The following SLC4A2 variants were observed in gnomAD, a reference collection of about 807,000 sequenced individuals.
SLC4A2 encodes solute carrier family 4 member 2.
SLC4A2 carries 36 observed loss-of-function variants against 115.0 expected under a neutral mutation model. That is an observed-to-expected ratio of 0.31 (90% CI 0.24 to 0.41). SLC4A2 has a LOEUF of 0.41. Ranked by LOEUF, SLC4A2 falls within the 10% of genes least tolerant of loss-of-function variation. The pLI is 1.00. For synonymous variants in SLC4A2, 708 were observed against 708.3 expected (o/e 1.00, Z 0.01); for missense variants, 1,252 against 1,705.6 (o/e 0.73, Z 4.68).
At position 151,064,258 on chromosome 7, in the gene SLC4A2, C is replaced by G; in HGVS notation, c.108C>G (p.Asp36Glu). 4.3e-6 allele frequency: 7 copies of G among 1,612,520 alleles called. No individual in the cohort carries two copies. Among genetic ancestry groups the G allele is most frequent in the Non-Finnish European group, 5.9e-6 (7 of 1,179,942 alleles). The part of the protein sequence containing the change: ...GTPGFPEQEE[D>E]ELHRTLGVER... ...CTGGGTTCCCCGAGCAGGAGGAAGACGAACTTCACCGCACCCTGGGCGTGG... is the reference window on the plus strand; with the variant it reads ...CTGGGTTCCCCGAGCAGGAGGAAGAGGAACTTCACCGCACCCTGGGCGTGG... Residue 36 changes from aspartate (D) to glutamate (E), a missense_variant, in exon 3 of 23, where the codon GAC becomes GAG. By Grantham distance (45) the Asp-to-Glu change is conservative. This residue lies in a region of SLC4A2 where 74 missense variants were observed against 85.3 expected (regional missense o/e 0.87). Transcript: ENST00000413384.
chr7:151,071,471 T>G lies in SLC4A2; in HGVS notation c.2057T>G (p.Ile686Ser), dbSNP rs1584995252. The G allele has an allele frequency of 6.2e-7, 1 of 1,611,590 alleles. No homozygotes were observed. The highest frequency in any genetic ancestry group is 1.3e-5 in the African/African-American group (1 of 75,020). ...ACGGGGCGGCCCTTTGGGGGGCTGA[T>G]CCGAGATGTGCGGCGCCGCTATCCC... ...RRTGRPFGGL[I>S]RDVRRRYPHY... The change falls in exon 14 of 23, where the codon ATC becomes AGC. Residue 686 changes from isoleucine (I) to serine (S), a missense_variant. This residue lies in a region of SLC4A2 where 122 missense variants were observed against 116.8 expected (regional missense o/e 1.04). Transcript: ENST00000413384. The surrounding 1 kb of genome is among the most constrained non-coding windows in gnomAD (Gnocchi z 5.5).
intron 2 of SLC4A2, chr7:151,062,474 C>A: frequency 7.5e-7 from 1 of 1,324,942 alleles, no homozygotes; most frequent in Non-Finnish European, 9.7e-7. Context: ...CCCACGTGGC[C>A]ACCGCTCCAC....
intron 16 of SLC4A2, among the ~76,000 whole-genome samples, chr7:151,072,823 T>A (rs1797486512): frequency 6.6e-6 from 1 of 151,968 alleles, no homozygotes; most frequent in African/African-American, 2.4e-5. Flanking sequence ...CATGCCCGGC[T>A]AAATTTTTTG....
intron 8 of SLC4A2, among the ~76,000 whole-genome samples, chr7:151,069,157 A>AAAAAAAAAAAAAAAAAAAAAC: frequency 6.7e-6 from 1 of 149,090 alleles, no homozygotes; most frequent in South Asian, 2.1e-4. Context: ...AAAAAAAAAA[A>AAAAAAAAAAAAAAAAAAAAAC]AAGCAGCTGA....
chr7:151,065,075 A>T, intron 5 of SLC4A2, 109 bp downstream of exon 5: 1 of 823,846 alleles, frequency 1.2e-6, no homozygotes, highest in Admixed American at 2.0e-5. Flanking sequence ...CCAGGGTTCA[A>T]ATCCCAGGCC....
In SLC4A2 at chr7:151,064,732, C is replaced by G. The variant is rs1436645446; in HGVS notation, c.424C>G (p.Gln142Glu). 1 of 1,611,340 alleles carries G rather than the reference C, an allele frequency of 6.2e-7. No homozygotes were observed. The highest frequency in any genetic ancestry group is 1.7e-5 in the Admixed American group (1 of 59,890). ...GGCTGAGGGGGCCCGGGCTCTCACT[C>G]AGCCGTCCCCTGTCTCCACACCCTC... Reference protein sequence around the residue: ...SEAEGARALTQPSPVSTPSSV... With the variant: ...SEAEGARALTEPSPVSTPSSV... Residue 142 changes from glutamine (Q) to glutamate (E), a missense_variant, in exon 4 of 23, where the codon CAG (glutamine) becomes GAG (glutamate). Around this residue, in one of 14 missense-constraint regions of SLC4A2, gnomAD observed 215 missense variants for 205.2 expected, o/e 1.05. Transcript: ENST00000413384.
chr7:151,075,383 T>C lies in SLC4A2; in HGVS notation c.3176T>C (p.Val1059Ala). 6.2e-7 allele frequency: 1 copy of C among 1,611,496 alleles called. No homozygotes were observed. Among genetic ancestry groups the C allele is most frequent in the Non-Finnish European group, 8.5e-7 (1 of 1,180,016 alleles). Reference sequence around the variant, plus strand: ...CTGCCCTGGTTGGCTGCTGCCACTGTCCGCTCTGTCACTCACGCCAACGCG... The same window carrying C: ...CTGCCCTGGTTGGCTGCTGCCACTGCCCGCTCTGTCACTCACGCCAACGCG... ...FGLPWLAAAT[V>A]RSVTHANALT... The change falls in exon 20 of 23, where the codon GTC becomes GCC. Residue 1059 changes from valine (V) to alanine (A), a missense_variant. Around this residue, in one of 14 missense-constraint regions of SLC4A2, gnomAD observed 253 missense variants for 407.4 expected, o/e 0.62. Coordinates refer to ENST00000413384, the MANE Select transcript of SLC4A2 (RefSeq NM_003040.4).
At chr7:151,062,236 C>T (rs942363291) in intron 2 of SLC4A2, among the ~76,000 whole-genome samples, 198 bp downstream of exon 2, 4 of 152,136 alleles carry the variant, frequency 2.6e-5, no homozygotes, top group African/African-American at 4.8e-5. Flanking sequence ...GTCTTCCAGT[C>T]CTGGGGAGGG....
At chr7:151,064,388 G>C (rs776944795) in intron 3 of SLC4A2, 21 bp downstream of exon 3, 4 of 1,533,578 alleles carry the variant, frequency 2.6e-6, no homozygotes, top group East Asian at 2.4e-5. Flanking sequence ...AGGCAGGGGA[G>C]GGGGAGGTGG....
intron 2 of SLC4A2, chr7:151,062,915 A>C (rs1326473726): frequency 3.6e-6 from 5 of 1,392,990 alleles, no homozygotes; most frequent in African/African-American, 3.0e-5. Flanking sequence ...CCTTCACCCC[A>C]GCCCTCCCCG....
Position 151,076,429 on chromosome 7 carries a change from C to CCCCCTCCCATG in SLC4A2, c.*71_*81dup, listed in dbSNP as rs1178657768. ...GGGGACAGGCTGGTGGGATGGGGTT[C>CCCCCTCCCATG]CCCCTCCCATGCCCCTCCCTCCTTT... On this transcript the variant is annotated 3_prime_UTR_variant, in exon 23 of 23. Coordinates refer to ENST00000413384, the MANE Select transcript of SLC4A2 (RefSeq NM_003040.4). 3.9e-6 allele frequency: 5 copies of CCCCCTCCCATG among 1,283,756 alleles called. No homozygotes were observed. The highest frequency in any genetic ancestry group is 5.2e-6 in the Non-Finnish European group (5 of 958,440). The allele number at this position is 1,283,756 out of a possible 1,614,324, so 79.5% of individuals were successfully genotyped here.
At chr7:151,064,791 G>A (rs1475026185) in intron 4 of SLC4A2, 24 bp downstream of exon 4, 1 of 1,608,544 alleles carries the variant, frequency 6.2e-7, no homozygotes, top group South Asian at 1.1e-5. Flanking sequence ...GGGCTCCTAG[G>A]GCATGTCGGC....
chr7:151,069,458 C>T (rs911113326), intron 8 of SLC4A2, among the ~76,000 whole-genome samples: 3 of 152,070 alleles, frequency 2.0e-5, no homozygotes, highest in South Asian at 2.1e-4. Flanking sequence ...AAGCTTGGGG[C>T]GGAGGGGGGT....
At position 151,071,091 on chromosome 7, in the gene SLC4A2, A is replaced by T; in HGVS notation, c.1769A>T (p.Tyr590Phe). 6.2e-7 allele frequency: 1 copy of T among 1,612,546 alleles called. No homozygotes were observed. Residue 590 changes from tyrosine to phenylalanine, a missense_variant, in exon 13 of 23, where the codon TAC (tyrosine) becomes TTC (phenylalanine). Physicochemically the swap from Tyr to Phe is conservative, Grantham distance 22. Around this residue, in one of 14 missense-constraint regions of SLC4A2, gnomAD observed 87 missense variants for 170.3 expected, o/e 0.51. Coordinates refer to ENST00000413384, the MANE Select transcript of SLC4A2 (RefSeq NM_003040.4). The surrounding 1 kb of genome is among the most constrained non-coding windows in gnomAD (Gnocchi z 5.5). Reference sequence around the variant, plus strand: ...TGGCAGCAATTCCACGAGGCAGCCTACCTGGCTGACGAGCGGGAGGACCTG... The same window carrying T: ...TGGCAGCAATTCCACGAGGCAGCCTTCCTGGCTGACGAGCGGGAGGACCTG... Reference protein sequence around the residue: ...MSDKQFHEAAYLADEREDLLT... With the variant: ...MSDKQFHEAAFLADEREDLLT...
chr7:151,064,337 G>A lies in SLC4A2; in HGVS notation c.187G>A (p.Gly63Ser). Residue 63 changes from glycine to serine, a missense_variant, in exon 3 of 23, where the codon GGC (glycine) becomes AGC (serine). Coordinates refer to ENST00000413384, the MANE Select transcript of SLC4A2 (RefSeq NM_003040.4). ...CGGGTCTCGTGGAGGGGAGGAGCCAGGCCGCAGCTATGGGGAGGAAGACTT... is the reference window on the plus strand; with the variant it reads ...CGGGTCTCGTGGAGGGGAGGAGCCAAGCCGCAGCTATGGGGAGGAAGACTT... ...EAGSRGGEEP[G>S]RSYGEEDFEY... is the part of the protein sequence containing the mutation. 1 of 1,611,056 alleles carries A rather than the reference G, an allele frequency of 6.2e-7. No individual in the cohort carries two copies. The highest frequency in any genetic ancestry group is 8.5e-7 in the Non-Finnish European group (1 of 1,179,492).
intron 8 of SLC4A2, among the ~76,000 whole-genome samples, chr7:151,069,156 A>AAAAAAAAAAAAAAAAAAAAAAAC (rs1797341975): frequency 1.3e-5 from 2 of 148,584 alleles, no homozygotes; most frequent in Non-Finnish European, 3.0e-5. Context: ...AAAAAAAAAA[A>AAAAAAAAAAAAAAAAAAAAAAAC]AAAGCAGCTG....
Position 151,072,081 on chromosome 7 carries a change from T to C in SLC4A2, c.2480T>C (p.Phe827Ser), listed in dbSNP as rs377202713. 1 of 1,613,986 alleles carries C rather than the reference T, an allele frequency of 6.2e-7. No individual in the cohort carries two copies. Among genetic ancestry groups the C allele is most frequent in the Non-Finnish European group, 8.5e-7 (1 of 1,180,018 alleles). ...RFVSRFTQEI[F>S]AFLISLIFIY... The stretch of plus-strand genomic sequence containing the variant: ...GTCTCCCGCTTCACCCAGGAGATCT[T>C]CGCCTTCTTGATCTCACTCATCTTC... Residue 827 changes from phenylalanine to serine, a missense_variant, in exon 16 of 23, where the codon TTC becomes TCC. Physicochemically the swap from Phe to Ser is radical, Grantham distance 155. This residue lies in a region of SLC4A2 where 118 missense variants were observed against 203.3 expected (regional missense o/e 0.58). Coordinates refer to ENST00000413384, the MANE Select transcript of SLC4A2 (RefSeq NM_003040.4).
intron 5 of SLC4A2, among the ~76,000 whole-genome samples, chr7:151,065,377 A>G (rs1797194627): frequency 6.6e-6 from 1 of 152,150 alleles, no homozygotes; most frequent in African/African-American, 2.4e-5. Context: ...CCAGGGTTCA[A>G]GAGGCAAAGG....
At chr7:151,075,074 G>A (rs1311810140) in intron 19 of SLC4A2, 181 bp from the exon 20 acceptor site, 2 of 987,398 alleles carry the variant, frequency 2.0e-6, no homozygotes, top group Non-Finnish European at 3.1e-6. Context: ...GAGCTGTCAT[G>A]GACGATAAGG....
Sources: allele counts gnomAD v4.1 joint callset (sites outside exome capture counted in the v4.1 genomes callset), GRCh38; gene constraint gnomAD v4.1.1; regional missense constraint gnomAD v4.1.1; non-coding constraint Gnocchi (gnomAD v3.1); transcripts MANE v1.5; gene names NCBI Gene and HGNC (gene_info 2026-07-23, HGNC 2026-07-21).